The following BCR variants were observed in gnomAD, a reference collection of about 807,000 sequenced individuals.
BCR encodes the protein BCR activator of RhoGEF and GTPase.
Under a neutral mutation model 138.6 loss-of-function variants are expected in BCR, and 58 were observed. The ratio of observed to expected loss-of-function variants is 0.42; its 90% CI spans 0.34 to 0.52. The LOEUF is 0.52. Among genes scored for constraint, BCR ranks in the 20% least tolerant of loss-of-function variants. The pLI is 0.06. For synonymous variants in BCR, 786 were observed against 730.1 expected, an observed-to-expected ratio of 1.08 and a Z score of -1.23; for missense variants, 1,599 against 1,727.2, an observed-to-expected ratio of 0.93 and a Z score of 1.32.
At position 23,181,686 on chromosome 22, in the gene BCR, C is replaced by T. The variant is rs1241663505; in HGVS notation, c.726C>T (p.Val242=). The change falls in exon 1 of 23, where the codon GTC becomes GTT. Residue 242 remains valine, a synonymous_variant. Transcript: ENST00000305877. Reference sequence around the variant, plus strand: ...GCTCCTCGGAGAGCAGCTGCGGCGTCGACGGCGACTACGAGGACGCCGAGT... The same window carrying T: ...GCTCCTCGGAGAGCAGCTGCGGCGTTGACGGCGACTACGAGGACGCCGAGT... The part of the protein sequence containing the change: ...RGRSSESSCG[V]DGDYEDAELN... 1.2e-6 allele frequency: 2 copies of T among 1,605,384 alleles called. No individual in the cohort carries two copies. Among genetic ancestry groups the T allele is most frequent in the African/African-American group, 1.3e-5 (1 of 74,940 alleles).
At chr22:23,189,329 C>A (rs2072385447) in intron 1 of BCR, among the ~76,000 whole-genome samples, 1 of 152,256 alleles carries the variant, frequency 6.6e-6, no homozygotes, top group East Asian at 1.9e-4. Context: ...CCCATTCCCC[C>A]TCATCCCCAG....
chr22:23,312,771 G>GGA, intron 19 of BCR, 116 bp from the exon 20 acceptor site: 2 of 1,205,396 alleles, frequency 1.7e-6, no homozygotes, highest in Non-Finnish European at 2.4e-6. Context: ...TCAAAGCCCA[G>GGA]GAGGGACCCG....
At chr22:23,258,133 CAT>C (rs558868782) in intron 2 of BCR, among the ~76,000 whole-genome samples, 8 of 152,270 alleles carry the variant, frequency 5.3e-5, no homozygotes, top group East Asian at 1.9e-4. Flanking sequence ...CCCCCACACA[CAT>C]GTACGTGTGT....
chr22:23,236,484 A>G (rs1303654163), intron 1 of BCR, among the ~76,000 whole-genome samples: 3 of 152,218 alleles, frequency 2.0e-5, no homozygotes, highest in Non-Finnish European at 4.4e-5. Flanking sequence ...CTTTCCTGGT[A>G]CAGTCCCCAT....
intron 14 of BCR, 163 bp downstream of exon 14, chr22:23,290,576 C>A: frequency 1.4e-6 from 1 of 721,534 alleles, no homozygotes; most frequent in Non-Finnish European, 2.4e-6. Context: ...TTGATGCCTT[C>A]TGGGTGTGGA....
chr22:23,185,823 G>A (rs2072335940), intron 1 of BCR, among the ~76,000 whole-genome samples: 2 of 151,594 alleles, frequency 1.3e-5, no homozygotes, highest in Admixed American at 1.3e-4. Context: ...CCGCCTCTCG[G>A]CTTCACACCA....
chr22:23,310,314 C>T lies in BCR; in HGVS notation c.3073-10C>T, dbSNP rs2073993410. 6 of 1,285,468 alleles carry T rather than the reference C, an allele frequency of 4.7e-6. 1 individual carries two copies. Among genetic ancestry groups the T allele is most frequent in the Non-Finnish European group, 5.5e-6 (5 of 913,788 alleles). The allele number at this position is 1,285,468 out of a possible 1,614,324, so 79.6% of individuals were successfully genotyped here. ...GGATTAGAGGACTGTGCCCCTTCTC[C>T]CTACTGTAGATCGAAGTAAAGCTCT... On this transcript the variant is annotated splice_polypyrimidine_tract_variant and intron_variant, in intron 17 of 22. Coordinates refer to ENST00000305877, the MANE Select transcript of BCR (RefSeq NM_004327.4).
At chr22:23,248,790 G>A (rs1377339145) in intron 1 of BCR, among the ~76,000 whole-genome samples, 1 of 152,144 alleles carries the variant, frequency 6.6e-6, no homozygotes, top group South Asian at 2.1e-4. Flanking sequence ...TAGTGTTTGG[G>A]TTCTGCCTTG....
At chr22:23,190,711 G>A (rs2072402466) in intron 1 of BCR, among the ~76,000 whole-genome samples, 1 of 152,028 alleles carries the variant, frequency 6.6e-6, no homozygotes, top group African/African-American at 2.4e-5. Context: ...TGTTTGTGCC[G>A]GCTCCCTCAG....
rs117434552 is a variant in BCR, at chr22:23,210,714, A to C, written c.1279+28475A>C. Among the ~76,000 whole-genome samples, 106 of 152,276 alleles carry C rather than the reference A, an allele frequency of 7.0e-4. No homozygotes were observed. The East Asian group carries it at 7.7e-3, about 11-fold the overall frequency. ...CCCTTACAGTTTAGCACTTTTCCGA[A>C]TGTCATATAAATAGAATTGTACAGT... On this transcript the variant is annotated intron_variant, in intron 1 of 22. Transcript: ENST00000305877.
chr22:23,274,456 G>A (rs2073548281), intron 8 of BCR, among the ~76,000 whole-genome samples: 1 of 152,246 alleles, frequency 6.6e-6, no homozygotes, highest in Non-Finnish European at 1.5e-5. Flanking sequence ...GCCAAGGCGT[G>A]TAAGCTGGGG....
At chr22:23,279,263 G>T (rs1045815230) in intron 8 of BCR, among the ~76,000 whole-genome samples, 1 of 152,200 alleles carries the variant, frequency 6.6e-6, no homozygotes, top group Admixed American at 6.5e-5. Context: ...AAACTTTCTC[G>T]GCCAGATTGG....
intron 5 of BCR, 43 bp downstream of exon 5, chr22:23,268,558 C>A: frequency 6.7e-7 from 1 of 1,496,484 alleles, no homozygotes; most frequent in East Asian, 2.3e-5. Flanking sequence ...CGCTGACTCC[C>A]ACCTGTACCC....
chr22:23,230,839 C>G (rs575499321), intron 1 of BCR, among the ~76,000 whole-genome samples: 1 of 152,318 alleles, frequency 6.6e-6, no homozygotes, highest in Admixed American at 6.5e-5. Flanking sequence ...TCCCCAGCCG[C>G]ACATCCAGCT....
chr22:23,187,716 A>G (rs1036521859), intron 1 of BCR, among the ~76,000 whole-genome samples: 3 of 152,164 alleles, frequency 2.0e-5, no homozygotes, highest in East Asian at 1.9e-4. Context: ...CATATCTGCA[A>G]TGCATAATGA....
intron 11 of BCR, among the ~76,000 whole-genome samples, chr22:23,287,833 T>C (rs949653115): frequency 7.2e-5 from 11 of 152,176 alleles, no homozygotes; most frequent in Non-Finnish European, 2.9e-5. Flanking sequence ...TACCTCCATG[T>C]CCCTAAGCTG....
intron 1 of BCR, among the ~76,000 whole-genome samples, chr22:23,200,563 A>G (rs1460681293): frequency 6.6e-6 from 1 of 151,846 alleles, no homozygotes; most frequent in Non-Finnish European, 1.5e-5. Context: ...TTAATTAAAA[A>G]AAAATTTTTT....
intron 4 of BCR, chr22:23,262,694 CGGGCCCGGGTGAGGGCG>C (rs2073377213): frequency 1.1e-5 from 2 of 176,706 alleles, no homozygotes; most frequent in East Asian, 4.0e-4. Flanking sequence ...CCGGGAATGG[CGGGCCCGGGTGAGGGCG>C]GGCCCGGGTG....
chr22:23,186,070 G>A (rs948916793), intron 1 of BCR, among the ~76,000 whole-genome samples: 2 of 152,176 alleles, frequency 1.3e-5, no homozygotes, highest in Admixed American at 6.5e-5. Context: ...ACAAGTTACC[G>A]GAAGAGAGGG....
Sources: allele counts gnomAD v4.1 joint callset (sites outside exome capture counted in the v4.1 genomes callset), GRCh38; gene constraint gnomAD v4.1.1; transcripts MANE v1.5; gene names NCBI Gene and HGNC (gene_info 2026-07-23, HGNC 2026-07-21).